The following PTPRZ1 variants were observed in gnomAD, a reference collection of about 807,000 sequenced individuals.
PTPRZ1 encodes the protein receptor-type tyrosine-protein phosphatase zeta.
Under a neutral mutation model 214.1 loss-of-function variants are expected in PTPRZ1, and 82 were observed. The observed-to-expected ratio is 0.38, with a 90% CI of 0.32 to 0.46. The LOEUF (loss-of-function observed/expected upper bound fraction) is 0.46. Among genes scored for constraint, PTPRZ1 ranks in the 20% least tolerant of loss-of-function variants. PTPRZ1 has a pLI of 1.00. For missense variants in PTPRZ1, 2,603 were observed against 2,748.7 expected, an observed-to-expected ratio of 0.95 and a Z score of 1.19; for synonymous variants, 945 against 987.9, an observed-to-expected ratio of 0.96 and a Z score of 0.81.
intron 10 of PTPRZ1, among the ~76,000 whole-genome samples, chr7:122,003,579 T>C (rs1798388889): frequency 6.6e-6 from 1 of 152,196 alleles, no homozygotes; most frequent in Non-Finnish European, 1.5e-5. Flanking sequence ...AGTATGCATT[T>C]CCTTTGAGGA....
intron 2 of PTPRZ1, among the ~76,000 whole-genome samples, chr7:121,946,490 A>G (rs937715902): frequency 3.9e-5 from 6 of 152,206 alleles, no homozygotes; most frequent in Admixed American, 1.3e-4. Context: ...GAGACAACTG[A>G]CAACAAAGTA....
intron 12 of PTPRZ1, among the ~76,000 whole-genome samples, chr7:122,016,555 T>G (rs2116675348): frequency 6.6e-6 from 1 of 152,100 alleles, no homozygotes; most frequent in African/African-American, 2.4e-5. Flanking sequence ...AATTAAAGGA[T>G]TTAAGATCAA....
intron 1 of PTPRZ1, among the ~76,000 whole-genome samples, chr7:121,874,162 C>CAA (rs11378724): frequency 2.9e-4 from 44 of 149,168 alleles, no homozygotes; most frequent in African/African-American, 5.9e-4. Flanking sequence ...CAATTACTTA[C>CAA]AAAAAAAAAA....
intron 8 of PTPRZ1, among the ~76,000 whole-genome samples, chr7:121,989,950 C>CA (rs1406267876): frequency 5.3e-5 from 8 of 152,038 alleles, no homozygotes; most frequent in Non-Finnish European, 8.8e-5. Context: ...TTATACTTCA[C>CA]AAAAAATGAG....
At chr7:122,039,398 G>T in intron 19 of PTPRZ1, 56 bp from the exon 20 acceptor site, 1 of 1,577,450 alleles carries the variant, frequency 6.3e-7, no homozygotes, top group South Asian at 1.2e-5. Context: ...TTCAGGGAAT[G>T]ACTTTTACAT....
At chr7:121,972,947 AGG>A (rs1797304177) in intron 4 of PTPRZ1, among the ~76,000 whole-genome samples, 1 of 147,966 alleles carries the variant, frequency 6.8e-6, no homozygotes, top group Non-Finnish European at 1.5e-5. Context: ...AGGAAGGAAA[AGG>A]GGGACAATTT....
chr7:121,926,275 A>G (rs1795759583), intron 1 of PTPRZ1, among the ~76,000 whole-genome samples: 1 of 145,576 alleles, frequency 6.9e-6, no homozygotes, highest in Non-Finnish European at 1.5e-5. Flanking sequence ...ATTGCACTCC[A>G]GCCTGGGCTA....
chr7:121,990,676 C>T (rs370119534), intron 8 of PTPRZ1, among the ~76,000 whole-genome samples: 90 of 151,896 alleles, frequency 5.9e-4, no homozygotes, highest in Non-Finnish European at 1.0e-3. Context: ...CATGCTACCA[C>T]GCCCGACTAA....
chr7:121,997,844 A>G (rs577848595), intron 9 of PTPRZ1, 36 bp from the exon 10 acceptor site: 98 of 1,575,162 alleles, frequency 6.2e-5, no homozygotes, highest in Middle Eastern at 3.4e-4. Context: ...TCCTATGAGA[A>G]TAACATTTGT....
At chr7:122,057,805 A>T (rs1343940168) in intron 27 of PTPRZ1, among the ~76,000 whole-genome samples, 3 of 151,412 alleles carry the variant, frequency 2.0e-5, no homozygotes, top group African/African-American at 7.3e-5. Context: ...GCTCTCTTAC[A>T]CTGTTTTCCA....
chr7:121,889,123 A>T (rs569266120), intron 1 of PTPRZ1, among the ~76,000 whole-genome samples: 23 of 111,498 alleles, frequency 2.1e-4, no homozygotes, highest in African/African-American at 3.9e-4. Flanking sequence ...TTTATTTTTT[A>T]AAAAAAGTAT....
intron 26 of PTPRZ1, 96 bp downstream of exon 26, chr7:122,054,134 T>TCA: frequency 7.3e-7 from 1 of 1,378,332 alleles, no homozygotes; most frequent in Non-Finnish European, 9.9e-7. Context: ...AAAGTAATTT[T>TCA]GTTTTCAACT....
chr7:122,059,922 T>G (rs1408208193), intron 29 of PTPRZ1, 34 bp downstream of exon 29: 2 of 1,598,990 alleles, frequency 1.3e-6, no homozygotes, highest in Non-Finnish European at 1.7e-6. Flanking sequence ...AATTTTTCAC[T>G]GATAGAGTAC....
At chr7:122,044,896 T>A (rs1799839879) in intron 23 of PTPRZ1, among the ~76,000 whole-genome samples, 1 of 150,964 alleles carries the variant, frequency 6.6e-6, no homozygotes, top group East Asian at 1.9e-4. Context: ...CTTTTTACTT[T>A]GAAAAAAAAA....
chr7:122,021,657 C>G (rs1353887903), intron 13 of PTPRZ1, among the ~76,000 whole-genome samples: 1 of 152,110 alleles, frequency 6.6e-6, no homozygotes, highest in Non-Finnish European at 1.5e-5. Context: ...TGGAGGATCA[C>G]TTGAGCCCAG....
chr7:121,917,449 A>G (rs1450173881), intron 1 of PTPRZ1, among the ~76,000 whole-genome samples: 1 of 152,194 alleles, frequency 6.6e-6, no homozygotes, highest in Non-Finnish European at 1.5e-5. Context: ...TCAGAAAACA[A>G]GTGAATAATT....
At chr7:121,882,709 G>A (rs1794279283) in intron 1 of PTPRZ1, among the ~76,000 whole-genome samples, 1 of 152,176 alleles carries the variant, frequency 6.6e-6, no homozygotes, top group Admixed American at 6.5e-5. Context: ...GCATAGGATG[G>A]ATTGAAGCCG....
At chr7:121,986,929 G>A (rs1201914874) in intron 8 of PTPRZ1, among the ~76,000 whole-genome samples, 1 of 152,102 alleles carries the variant, frequency 6.6e-6, no homozygotes, top group Non-Finnish European at 1.5e-5. Context: ...CAACTACTTT[G>A]TTATGTTTGT....
At chr7:122,043,125 A>C (rs1799782108) in intron 22 of PTPRZ1, among the ~76,000 whole-genome samples, 1 of 152,200 alleles carries the variant, frequency 6.6e-6, no homozygotes, top group African/African-American at 2.4e-5. Flanking sequence ...TCTGTAACAA[A>C]CTTTTATGCA....
Sources: gnomAD v4.1 joint callset for allele counts (sites outside exome capture counted in the v4.1 genomes callset) on GRCh38, gnomAD v4.1.1 for gene constraint, MANE v1.5 for transcripts, NCBI Gene and HGNC (gene_info 2026-07-23, HGNC 2026-07-21) for gene names.